RABL6: variants seen among roughly 807,000 people sequenced by gnomAD.
RABL6 encodes RAB, member RAS oncogene family like 6.
Under a neutral mutation model 72.9 loss-of-function variants are expected in RABL6, and 28 were observed. The observed-to-expected ratio is 0.38, with a 90% CI of 0.28 to 0.53. The LOEUF is 0.53. RABL6 is among the 20% of genes least tolerant of loss of function. The pLI is 0.80. For synonymous variants in RABL6, 477 were observed against 421.2 expected, an observed-to-expected ratio of 1.13 and a Z score of -1.62; for missense variants, 1,029 against 1,008.4, an observed-to-expected ratio of 1.02 and a Z score of -0.28.
intron 2 of RABL6, among the ~76,000 whole-genome samples, 158 bp from the exon 3 acceptor site, chr9:136,825,621 G>A (rs1055449301): frequency 6.6e-6 from 1 of 152,202 alleles, no homozygotes; most frequent in Non-Finnish European, 1.5e-5. Flanking sequence ...GCCGCCATGT[G>A]GTCGTCTGGG....
chr9:136,834,640 G>A (rs563613361), intron 7 of RABL6, among the ~76,000 whole-genome samples: 21 of 152,158 alleles, frequency 1.4e-4, no homozygotes, highest in African/African-American at 3.4e-4. Context: ...CACCACGCCT[G>A]GCTAATTTTT....
At position 136,840,600 on chromosome 9, in the gene RABL6, C is replaced by T. The variant is rs777598903; in HGVS notation, c.*78C>T. 1.9e-5 allele frequency: 30 copies of T among 1,549,386 alleles called. No homozygotes were observed. The highest frequency in any genetic ancestry group is 1.1e-4 in the South Asian group (9 of 84,034). ...GGGGAGGCATTTGCCTCTGTACCAT[C>T]GCCTTTGCCGCTGCCCCGTGGCTGC... On this transcript the variant is annotated 3_prime_UTR_variant, in exon 15 of 15. Transcript: ENST00000311502.
chr9:136,809,340 G>A (rs1280917334), intron 1 of RABL6: 2 of 192,934 alleles, frequency 1.0e-5, no homozygotes, highest in Non-Finnish European at 2.4e-5. Context: ...CAGGAGGACA[G>A]TGAAGATGTC....
intron 1 of RABL6, chr9:136,810,032 T>A (rs898996695): frequency 1.3e-5 from 2 of 152,244 alleles, no homozygotes; most frequent in African/African-American, 4.8e-5. Flanking sequence ...TAAAAGCTGA[T>A]TTTAAATGTG....
rs1353228329 is a variant in RABL6 at position 136,840,682 on chromosome 9, T to C, written c.*160T>C. 1.3e-6 allele frequency: 2 copies of C among 1,549,166 alleles called. No homozygotes were observed. The highest frequency in any genetic ancestry group is 1.2e-5 in the South Asian group (1 of 84,008). On this transcript the variant is annotated 3_prime_UTR_variant, in exon 15 of 15. Transcript: ENST00000311502. ...CATTGGTGGTCCCCAGGCTGGGCCC[T>C]GCAGGTGCTGGGCCTTCAGGCCCAG...
At chr9:136,833,903 C>T (rs888427455) in intron 7 of RABL6, 3 of 1,550,522 alleles carry the variant, frequency 1.9e-6, no homozygotes, top group Admixed American at 2.0e-5. Context: ...GTCCCCTCAT[C>T]ACTGGGTTGA....
chr9:136,829,418 C>T lies in RABL6; in HGVS notation c.392C>T (p.Ala131Val). Reference sequence around the variant, plus strand: ...GCGGAGTCTGAAATGGCCCTGGATGCTGAGTTCCTGGACGTGTACAAGAAC... The same window carrying T: ...GCGGAGTCTGAAATGGCCCTGGATGTTGAGTTCCTGGACGTGTACAAGAAC... Reference protein sequence around the residue: ...QEAESEMALDAEFLDVYKNCN... With the variant: ...QEAESEMALDVEFLDVYKNCN... Residue 131 changes from alanine to valine, a missense_variant, in exon 5 of 15, where the codon GCT becomes GTT. Transcript: ENST00000311502. The T allele has an allele frequency of 1.3e-6, 2 of 1,580,076 alleles. No homozygotes were observed. The highest frequency in any genetic ancestry group is 1.7e-6 in the Non-Finnish European group (2 of 1,163,262).
intron 6 of RABL6, 140 bp downstream of exon 6, chr9:136,832,001 C>T: frequency 2.3e-6 from 3 of 1,278,446 alleles, no homozygotes; most frequent in South Asian, 1.5e-5. Flanking sequence ...GAGTGGGGCT[C>T]ACTGAAGCCT....
intron 12 of RABL6, 68 bp from the exon 13 acceptor site, chr9:136,839,626 T>C: frequency 6.5e-7 from 1 of 1,543,214 alleles, no homozygotes; most frequent in Non-Finnish European, 8.8e-7. Context: ...CCGGCCTGGT[T>C]TGAGATCCCA....
intron 7 of RABL6, chr9:136,833,744 A>G: frequency 6.4e-7 from 1 of 1,550,458 alleles, no homozygotes; most frequent in Non-Finnish European, 8.7e-7. Flanking sequence ...TGCCCAGGAA[A>G]GGGGCTGTGC....
At chr9:136,831,224 G>A (rs907535477) in intron 5 of RABL6, among the ~76,000 whole-genome samples, 3 of 152,162 alleles carry the variant, frequency 2.0e-5, no homozygotes, top group East Asian at 1.9e-4. Flanking sequence ...CTTGCCGTCC[G>A]TGCCAGGAGA....
intron 10 of RABL6, 67 bp downstream of exon 10, chr9:136,838,082 G>A (rs2131204775): frequency 2.0e-6 from 3 of 1,532,882 alleles, no homozygotes; most frequent in South Asian, 1.2e-5. Flanking sequence ...AGCAGCAGGT[G>A]GGGCTGGCTT....
At position 136,840,822 on chromosome 9, in the gene RABL6, C is replaced by G. The variant is rs1162311442; in HGVS notation, c.*300C>G. ...GTTTCTCAGGGATGTGACTGAGGCC[C>G]AGGAGGGACCTGTGAGGGTCTGTTT... On this transcript the variant is annotated 3_prime_UTR_variant, in exon 15 of 15. Transcript: ENST00000311502. 7 of 1,546,522 alleles carry G rather than the reference C, an allele frequency of 4.5e-6. No individual in the cohort carries two copies. Among genetic ancestry groups the G allele is most frequent in the Non-Finnish European group, 6.1e-6 (7 of 1,146,586 alleles).
chr9:136,833,625 T>C, intron 7 of RABL6: 1 of 1,509,830 alleles, frequency 6.6e-7, no homozygotes, highest in Non-Finnish European at 8.9e-7. Context: ...CAGCTGGGTC[T>C]GGGGGACCTG....
Position 136,839,296 on chromosome 9 carries a change from G to A in RABL6, c.1568G>A (p.Gly523Asp). ...ACCGCAGCACCCCCCTGGCCAGGCG[G>A]TGTCTCTGTTCGCACAGGTCCGGAG... ...TRTAAPPWPG[G>D]VSVRTGPEKR... The change falls in exon 12 of 15, where the codon GGT (glycine) becomes GAT (aspartate). Residue 523 changes from glycine to aspartate, a missense_variant. Around this residue, in one of 2 missense-constraint regions of RABL6, gnomAD observed 595 missense variants for 472.4 expected, o/e 1.26. Coordinates refer to ENST00000311502, the MANE Select transcript of RABL6 (RefSeq NM_024718.5). 2 of 1,611,854 alleles carry A rather than the reference G, an allele frequency of 1.2e-6. No homozygotes were observed. The highest frequency in any genetic ancestry group is 1.1e-5 in the South Asian group (1 of 90,914).
In RABL6 at chr9:136,841,013, G is replaced by A. The variant is rs1407483974; in HGVS notation, c.*491G>A. On this transcript the variant is annotated 3_prime_UTR_variant, in exon 15 of 15. Transcript: ENST00000311502. ...CCCTAAAGGGCGGCCCAGGCCCCAC[G>A]CTAGAAGGCTGGCGAGACCGAAGGC... The A allele has an allele frequency of 1.3e-5, 18 of 1,436,394 alleles. No individual in the cohort carries two copies. The highest frequency in any genetic ancestry group is 3.0e-5 in the South Asian group (2 of 66,450). The allele number at this position is 1,436,394 out of a possible 1,614,324, so 89.0% of individuals were successfully genotyped here. A position where few individuals can be genotyped will look rare whatever the true frequency, so the allele number is the denominator to read the frequency against.
intron 7 of RABL6, chr9:136,833,844 C>T (rs1211349217): frequency 6.4e-7 from 1 of 1,550,548 alleles, no homozygotes; most frequent in Non-Finnish European, 8.7e-7. Flanking sequence ...GGCAGTCAGA[C>T]TTGTCCTGTG....
chr9:136,840,257 G>A, intron 14 of RABL6, 45 bp downstream of exon 14: 1 of 1,612,474 alleles, frequency 6.2e-7, no homozygotes, highest in African/African-American at 1.3e-5. Context: ...TGGGTGGCAT[G>A]CGGTCCTGGG....
In RABL6 at chr9:136,808,169, G is replaced by T. The variant is rs770551432; in HGVS notation, c.-28G>T. 6.1e-5 allele frequency: 90 copies of T among 1,481,450 alleles called. 1 individual carries two copies. The Middle Eastern group carries it at 2.6e-3, about 42-fold the overall frequency. 91.8% of individuals were successfully genotyped at this position (1,481,450 alleles called of 1,614,324 possible). On this transcript the variant is annotated 5_prime_UTR_variant, in exon 1 of 15. Coordinates refer to ENST00000311502, the MANE Select transcript of RABL6 (RefSeq NM_024718.5). The stretch of plus-strand genomic sequence containing the variant: ...CGCCGCCGCTGAGCTCGCCGGCCGC[G>T]CCCGGGCTGGGACGTCCGAGCGGGA...
Sources: allele counts gnomAD v4.1 joint callset (sites outside exome capture counted in the v4.1 genomes callset), GRCh38; gene constraint gnomAD v4.1.1; regional missense constraint gnomAD v4.1.1; transcripts MANE v1.5; gene names NCBI Gene and HGNC (gene_info 2026-07-23, HGNC 2026-07-21).